DLG2: variants seen among roughly 807,000 people sequenced by gnomAD.
DLG2 encodes the protein discs large MAGUK scaffold protein 2.
In DLG2, 45 loss-of-function variants were observed where a neutral mutation model predicts 132.5. The observed-to-expected ratio is 0.34, with a 90% confidence interval of 0.27 to 0.44. The LOEUF is 0.44. DLG2 is among the 20% of genes least tolerant of loss of function. The pLI is 1.00. For synonymous variants in DLG2, 424 were observed against 419.6 expected, an observed-to-expected ratio of 1.01 and a Z score of -0.13; for missense variants, 1,045 against 1,196.9, an observed-to-expected ratio of 0.87 and a Z score of 1.87.
intron 6 of DLG2, among the ~76,000 whole-genome samples, chr11:84,634,512 G>C (rs534737575): frequency 2.6e-5 from 4 of 152,234 alleles, no homozygotes; most frequent in African/African-American, 9.6e-5. Context: ...TAAGGCAAAT[G>C]CCAAGCTGTA....
intron 17 of DLG2, among the ~76,000 whole-genome samples, chr11:83,828,630 G>A (rs2053584139): frequency 1.3e-5 from 2 of 152,070 alleles, no homozygotes; most frequent in African/African-American, 2.4e-5. Flanking sequence ...AGTGTTCTAC[G>A]AAACACACTT....
chr11:84,477,422 G>C (rs1267718285), intron 7 of DLG2, among the ~76,000 whole-genome samples: 1 of 152,084 alleles, frequency 6.6e-6, no homozygotes, highest in African/African-American at 2.4e-5. Context: ...TTGAACCCAG[G>C]AGGCAGAGGT....
chr11:83,802,683 A>G (rs1455770799), intron 17 of DLG2, among the ~76,000 whole-genome samples: 2 of 152,228 alleles, frequency 1.3e-5, no homozygotes, highest in Admixed American at 6.5e-5. Flanking sequence ...AGTCATTAAA[A>G]GCAACAGCAT....
chr11:83,776,016 C>T (rs1323112239), intron 18 of DLG2, among the ~76,000 whole-genome samples: 1 of 152,110 alleles, frequency 6.6e-6, no homozygotes, highest in Non-Finnish European at 1.5e-5. Flanking sequence ...GGTGTGAACC[C>T]AGGAGGTGGA....
At chr11:83,565,044 G>A (rs1043142867) in intron 19 of DLG2, among the ~76,000 whole-genome samples, 6 of 152,218 alleles carry the variant, frequency 3.9e-5, no homozygotes, top group East Asian at 3.9e-4. Context: ...GAGGGCAGGC[G>A]CCTATCTTAA....
chr11:83,596,848 T>C lies in DLG2; in HGVS notation c.1940+36363A>G, dbSNP rs138558406. Among the ~76,000 whole-genome samples, 929 of 152,340 alleles carry C rather than the reference T, an allele frequency of 6.1e-3. 6 individuals are homozygous for C. The highest frequency in any genetic ancestry group is 0.029 in the Admixed American group (443 of 15,304). ...TTTTCTGGTTATTCTTCCTAATCTA[T>C]TTCAAATGTTTCTTCTTATGAAAAT... On this transcript the variant is annotated intron_variant, in intron 19 of 27. Transcript: ENST00000376104.
intron 6 of DLG2, among the ~76,000 whole-genome samples, chr11:84,917,616 T>C (rs1314486863): frequency 6.6e-6 from 1 of 152,186 alleles, no homozygotes; most frequent in Non-Finnish European, 1.5e-5. Context: ...ACATTCAAAC[T>C]TGTTGATGTA....
intron 11 of DLG2, among the ~76,000 whole-genome samples, chr11:84,049,586 C>A (rs1258681452): frequency 1.1e-4 from 16 of 151,808 alleles, no homozygotes; most frequent in Non-Finnish European, 5.9e-5. Flanking sequence ...AGAACTGGGT[C>A]ACAGACTGGA....
At chr11:84,760,397 A>G (rs2067452702) in intron 6 of DLG2, among the ~76,000 whole-genome samples, 2 of 152,236 alleles carry the variant, frequency 1.3e-5, no homozygotes, top group Non-Finnish European at 2.9e-5. Flanking sequence ...ATAACCATTT[A>G]GTAAATTGGC....
At chr11:85,267,172 C>T (rs2077265610) in intron 4 of DLG2, among the ~76,000 whole-genome samples, 1 of 152,120 alleles carries the variant, frequency 6.6e-6, no homozygotes, top group Admixed American at 6.5e-5. Context: ...GATAAGTACC[C>T]TTACAAAAAG....
At chr11:83,530,137 A>G (rs529860642) in intron 21 of DLG2, among the ~76,000 whole-genome samples, 2 of 152,012 alleles carry the variant, frequency 1.3e-5, no homozygotes, top group South Asian at 4.2e-4. Flanking sequence ...TCAAACAAAT[A>G]AGAGGTCTAT....
At chr11:85,314,750 C>G (rs2080538811) in intron 3 of DLG2, among the ~76,000 whole-genome samples, 1 of 151,984 alleles carries the variant, frequency 6.6e-6, no homozygotes, top group Admixed American at 6.6e-5. Flanking sequence ...CCTACCAGCT[C>G]TCTCAGCACA....
intron 6 of DLG2, among the ~76,000 whole-genome samples, chr11:84,536,909 AGCTG>A (rs1250079181): frequency 6.6e-6 from 1 of 152,174 alleles, no homozygotes; most frequent in East Asian, 1.9e-4. Flanking sequence ...ACAGCCTCTG[AGCTG>A]GCTAGCCTGT....
At chr11:83,571,806 A>G (rs2096801611) in intron 19 of DLG2, among the ~76,000 whole-genome samples, 1 of 152,144 alleles carries the variant, frequency 6.6e-6, no homozygotes, top group Admixed American at 6.6e-5. Context: ...GTGAATTTTA[A>G]TGGCTAATGT....
At chr11:85,005,581 T>C (rs2058579905) in intron 6 of DLG2, among the ~76,000 whole-genome samples, 1 of 152,228 alleles carries the variant, frequency 6.6e-6, no homozygotes, top group East Asian at 1.9e-4. Flanking sequence ...TGATTTTCTA[T>C]CCTTAGACTT....
intron 17 of DLG2, among the ~76,000 whole-genome samples, chr11:83,816,020 C>G (rs1163846761): frequency 6.6e-6 from 1 of 152,158 alleles, no homozygotes; most frequent in South Asian, 2.1e-4. Context: ...CTAATTCCCT[C>G]TCTTTCTCTC....
intron 15 of DLG2, among the ~76,000 whole-genome samples, chr11:83,885,041 T>C (rs2067421594): frequency 6.6e-6 from 1 of 152,008 alleles, no homozygotes; most frequent in African/African-American, 2.4e-5. Context: ...GCAGAGCGCC[T>C]CTCCTCCTCC....
chr11:84,365,643 G>A (rs1398399880), intron 7 of DLG2, among the ~76,000 whole-genome samples: 1 of 151,706 alleles, frequency 6.6e-6, no homozygotes, highest in Non-Finnish European at 1.5e-5. Context: ...TCTCTTGTGG[G>A]CATTGAGTGC....
At chr11:84,872,994 T>C (rs1412006286) in intron 6 of DLG2, among the ~76,000 whole-genome samples, 1 of 152,208 alleles carries the variant, frequency 6.6e-6, no homozygotes, top group African/African-American at 2.4e-5. Context: ...AAATATGGAA[T>C]TGTTACATCT....
Sources: gnomAD v4.1 joint callset for allele counts (sites outside exome capture counted in the v4.1 genomes callset) on GRCh38, gnomAD v4.1.1 for gene constraint, MANE v1.5 for transcripts, NCBI Gene and HGNC (gene_info 2026-07-23, HGNC 2026-07-21) for gene names.